The following TMPRSS11D variants were observed in gnomAD, a reference collection of about 807,000 sequenced individuals.
The protein encoded by TMPRSS11D is transmembrane serine protease 11D.
In TMPRSS11D, 32 loss-of-function variants were observed where a neutral mutation model predicts 44.4. The ratio of observed to expected loss-of-function variants is 0.72; its 90% CI spans 0.54 to 0.97. The LOEUF is 0.97. TMPRSS11D is among the 50% of genes least tolerant of loss of function. TMPRSS11D has a pLI of 0.00. For missense variants in TMPRSS11D, 446 were observed against 502.6 expected (o/e 0.89, Z 1.08); for synonymous variants, 179 against 177.9 (o/e 1.01, Z -0.05).
At chr4:67,861,726 C>G (rs1031852104) in intron 1 of TMPRSS11D, among the ~76,000 whole-genome samples, 1 of 152,078 alleles carries the variant, frequency 6.6e-6, no homozygotes, top group East Asian at 1.9e-4. Context: ...AACTCAATAA[C>G]TGAAAAGCAC....
At chr4:67,850,028 A>G (rs1718463025) in intron 3 of TMPRSS11D, among the ~76,000 whole-genome samples, 1 of 152,206 alleles carries the variant, frequency 6.6e-6, no homozygotes, top group Admixed American at 6.5e-5. Context: ...ATGTAAGATT[A>G]ACTAGGGAAC....
At chr4:67,833,032 T>C (rs1717983923) in intron 7 of TMPRSS11D, among the ~76,000 whole-genome samples, 172 bp downstream of exon 7, 1 of 152,178 alleles carries the variant, frequency 6.6e-6, no homozygotes, top group Admixed American at 6.5e-5. Flanking sequence ...AGCACTAAAT[T>C]AGCATGCTAA....
chr4:67,870,229 A>T (rs1719023187), intron 1 of TMPRSS11D, among the ~76,000 whole-genome samples: 1 of 152,194 alleles, frequency 6.6e-6, no homozygotes, highest in Admixed American at 6.5e-5. Context: ...ATTTCTTGGT[A>T]CTGCATCAAG....
At chr4:67,843,161 T>C (rs1287199791) in intron 3 of TMPRSS11D, among the ~76,000 whole-genome samples, 2 of 151,206 alleles carry the variant, frequency 1.3e-5, no homozygotes, top group Non-Finnish European at 3.0e-5. Flanking sequence ...TCAGAGACTA[T>C]TTTTTTAGCA....
At chr4:67,826,071 GT>G (rs965798177) in intron 8 of TMPRSS11D, among the ~76,000 whole-genome samples, 197 bp from the exon 9 acceptor site, 6 of 151,042 alleles carry the variant, frequency 4.0e-5, no homozygotes, top group Non-Finnish European at 7.4e-5. Context: ...TCACAGATCA[GT>G]TTTTTTTTCT....
At chr4:67,876,939 T>G (rs1285792759) in intron 1 of TMPRSS11D, among the ~76,000 whole-genome samples, 1 of 152,160 alleles carries the variant, frequency 6.6e-6, no homozygotes, top group African/African-American at 2.4e-5. Context: ...ATATCCCTTT[T>G]TATTGAAACA....
In TMPRSS11D at chr4:67,859,670, C is replaced by G. The variant is rs751096680; in HGVS notation, c.17G>C (p.Arg6Pro). The G allele has an allele frequency of 3.0e-5, 48 of 1,612,634 alleles. No homozygotes were observed. Among genetic ancestry groups the G allele is most frequent in the Non-Finnish European group, 3.9e-5 (46 of 1,179,058 alleles). The change falls in exon 2 of 10, where the codon CGT (arginine) becomes CCT (proline). Residue 6 changes from arginine to proline, a missense_variant. Transcript: ENST00000283916. ...CAGAAATCTTGAAGTCGAAGTTACA[C>G]GTGCTGGCCTTACAAGAGAGAGAGA... MYRPA[R>P]VTSTSRFLNP...
intron 2 of TMPRSS11D, among the ~76,000 whole-genome samples, chr4:67,857,287 ATATATATATATATATAT>A (rs1281430681): frequency 1.2e-4 from 1 of 8,306 alleles, no homozygotes; most frequent in Non-Finnish European, 2.0e-4. Flanking sequence ...ATATATATAT[ATATATATATATATATAT>A]ATATATATAT....
At chr4:67,822,563 ATT>A in intron 9 of TMPRSS11D, 65 bp from the exon 10 acceptor site, 1 of 1,565,772 alleles carries the variant, frequency 6.4e-7, no homozygotes, top group Non-Finnish European at 8.8e-7. Flanking sequence ...TAAGGAGTTT[ATT>A]TCTATGGCAG....
intron 3 of TMPRSS11D, among the ~76,000 whole-genome samples, chr4:67,852,362 G>A (rs1718530126): frequency 6.6e-6 from 1 of 152,094 alleles, no homozygotes; most frequent in Non-Finnish European, 1.5e-5. Flanking sequence ...GGCTGCACTG[G>A]CAGGCTTGTT....
chr4:67,856,447 G>A (rs1412396417), intron 2 of TMPRSS11D, among the ~76,000 whole-genome samples: 1 of 152,026 alleles, frequency 6.6e-6, no homozygotes, highest in African/African-American at 2.4e-5. Context: ...AATGAAACTG[G>A]ACCCTTATCT....
chr4:67,834,040 A>G (rs1470851496), intron 6 of TMPRSS11D, among the ~76,000 whole-genome samples: 5 of 152,170 alleles, frequency 3.3e-5, no homozygotes, highest in African/African-American at 7.2e-5. Context: ...CTAGTATCTA[A>G]ATAAGGTTTA....
At chr4:67,834,688 T>C (rs562262644) in intron 6 of TMPRSS11D, among the ~76,000 whole-genome samples, 1 of 152,266 alleles carries the variant, frequency 6.6e-6, no homozygotes, top group East Asian at 1.9e-4. Flanking sequence ...TAACCTGAAT[T>C]CACAACAAAG....
intron 1 of TMPRSS11D, among the ~76,000 whole-genome samples, chr4:67,880,257 A>C (rs1719289241): frequency 6.6e-6 from 1 of 152,214 alleles, no homozygotes; most frequent in Admixed American, 6.5e-5. Context: ...ACTTTTTAAA[A>C]TTAGACTTTA....
At chr4:67,860,384 T>C (rs1718767736) in intron 1 of TMPRSS11D, 1 of 152,156 alleles carries the variant, frequency 6.6e-6, no homozygotes, top group African/African-American at 2.4e-5. Context: ...ATTCCAGTTT[T>C]ACCCTTTGTT....
intron 1 of TMPRSS11D, among the ~76,000 whole-genome samples, chr4:67,867,489 T>C (rs1718954735): frequency 6.6e-6 from 1 of 152,084 alleles, no homozygotes. Flanking sequence ...GATACTTACT[T>C]AAACTAAAAA....
At chr4:67,835,632 C>T (rs535122989) in intron 5 of TMPRSS11D, among the ~76,000 whole-genome samples, 1 of 152,050 alleles carries the variant, frequency 6.6e-6, no homozygotes, top group Non-Finnish European at 1.5e-5. Flanking sequence ...AGCAATCATT[C>T]AAATAAATGT....
intron 4 of TMPRSS11D, among the ~76,000 whole-genome samples, chr4:67,841,248 G>A (rs1718222142): frequency 6.6e-6 from 1 of 152,152 alleles, no homozygotes; most frequent in South Asian, 2.1e-4. Context: ...AAAGGAGAGA[G>A]TGTGACCTGA....
rs1043884244 is a variant in TMPRSS11D, at chr4:67,850,640, G to T, written c.249+3428C>A. Among the ~76,000 whole-genome samples the T allele has an allele frequency of 2.6e-5, 4 of 152,114 alleles. No homozygotes were observed. The East Asian group carries it at 5.8e-4, about 22-fold the overall frequency. ...GTGACAGCCCCAAAAGAGAAGGAGG[G>T]TTTATGTAGTAAAGGAGTGCACTTG... On this transcript the variant is annotated intron_variant, in intron 3 of 9. Coordinates refer to ENST00000283916, the MANE Select transcript of TMPRSS11D (RefSeq NM_004262.3).
Sources: gnomAD v4.1 joint callset for allele counts (sites outside exome capture counted in the v4.1 genomes callset) on GRCh38, gnomAD v4.1.1 for gene constraint, MANE v1.5 for transcripts, NCBI Gene and HGNC (gene_info 2026-07-23, HGNC 2026-07-21) for gene names.